Variants in DFFB observed in about 807,000 individuals in gnomAD.
DFFB encodes the protein DNA fragmentation factor subunit beta.
In DFFB, 29 loss-of-function variants were observed where a neutral mutation model predicts 32.7. The ratio of observed to expected loss-of-function variants is 0.89; its 90% CI spans 0.66 to 1.21. The LOEUF is 1.21. Ranked by LOEUF, DFFB falls within the 50% of genes most tolerant of loss-of-function variation. The pLI is 0.00. For synonymous variants in DFFB, 170 were observed against 177.1 expected, an observed-to-expected ratio of 0.96 and a Z score of 0.32; for missense variants, 398 against 440.6, an observed-to-expected ratio of 0.90 and a Z score of 0.87.
In DFFB at chr1:3,867,865, GTATGAC is replaced by G. The variant is rs2124740836; in HGVS notation, c.431-108_431-103del. The G allele has an allele frequency of 3.2e-6, 3 of 927,684 alleles. No individual in the cohort carries two copies. The South Asian group carries it at 4.1e-5, about 13-fold the overall frequency. 57.5% of individuals were successfully genotyped at this position (927,684 alleles called of 1,614,324 possible). ...AAGACCCTGTCAAAAAGATGAAGCAGTATGACCCTCATATTCTGCCCTGCTTGGCAC... is the reference window on the plus strand; with the variant it reads ...AAGACCCTGTCAAAAAGATGAAGCAGCCTCATATTCTGCCCTGCTTGGCAC... On this transcript the variant is annotated intron_variant, in intron 3 of 6. Coordinates refer to ENST00000378209, the MANE Select transcript of DFFB (RefSeq NM_004402.4).
chr1:3,883,755 C>T lies in DFFB; in HGVS notation c.*14C>T, dbSNP rs767400154. ...AAACGCCAGTGACACGTACACACCA[C>T]GTCCTGGTCTTTGTTTGAGGCCTGA... is the stretch of plus-strand genomic sequence containing the variant. On this transcript the variant is annotated 3_prime_UTR_variant, in exon 7 of 7. Transcript: ENST00000378209. 56 of 1,605,794 alleles carry T rather than the reference C, an allele frequency of 3.5e-5. No homozygotes were observed. In the South Asian group the frequency reaches 4.2e-4, roughly 12 times the overall value.
intron 4 of DFFB, among the ~76,000 whole-genome samples, chr1:3,868,621 C>T (rs28412717): frequency 1.3e-5 from 2 of 151,964 alleles, no homozygotes; most frequent in Non-Finnish European, 1.5e-5. Context: ...CAGACCACAC[C>T]ACACCAGGCC....
At chr1:3,876,015 T>G (rs1645215110) in intron 6 of DFFB, among the ~76,000 whole-genome samples, 1 of 152,160 alleles carries the variant, frequency 6.6e-6, no homozygotes, top group Non-Finnish European at 1.5e-5. Flanking sequence ...TGACCTCAGG[T>G]GATCTGCCCA....
chr1:3,860,556 G>A (rs748008017), intron 2 of DFFB: 20 of 340,176 alleles, frequency 5.9e-5, no homozygotes, highest in Admixed American at 1.5e-4. Context: ...AATAATGACA[G>A]ATTCCCAGGA....
In DFFB at chr1:3,868,169, C is replaced by T. The variant is rs144776884; in HGVS notation, c.510+116C>T. 2,177 of 943,102 alleles carry T rather than the reference C, an allele frequency of 2.3e-3. 13 individuals are homozygous for T. The highest frequency in any genetic ancestry group is 8.8e-3 in the South Asian group (652 of 74,102). 58.4% of individuals were successfully genotyped at this position (943,102 alleles called of 1,614,324 possible). On this transcript the variant is annotated intron_variant, in intron 4 of 6. Transcript: ENST00000378209. ...TTGGTAGGACCACACTCCGTGCTTGCGTGGATCTGGTGGGGCTGCTCTGGT... is the reference window on the plus strand; with the variant it reads ...TTGGTAGGACCACACTCCGTGCTTGTGTGGATCTGGTGGGGCTGCTCTGGT...
chr1:3,869,540 C>G, intron 4 of DFFB, 65 bp from the exon 5 acceptor site: 1 of 1,509,378 alleles, frequency 6.6e-7, no homozygotes, highest in Non-Finnish European at 9.1e-7. Context: ...TGAGATGGAT[C>G]GAGAGCCAGT....
At chr1:3,883,254 C>T (rs539348481) in intron 6 of DFFB, among the ~76,000 whole-genome samples, 43 of 152,346 alleles carry the variant, frequency 2.8e-4, no homozygotes, top group African/African-American at 1.0e-3. Flanking sequence ...ATCCACCCGC[C>T]TCGGCCTCCC....
At chr1:3,868,674 ACCACG>A (rs796859948) in intron 4 of DFFB, among the ~76,000 whole-genome samples, 116 of 7,474 alleles carry the variant, frequency 0.016, 1 homozygote, top group Middle Eastern at 0.083. Context: ...ACCACACCAC[ACCACG>A]CCACACCACA....
At chr1:3,882,554 G>T (rs889577762) in intron 6 of DFFB, among the ~76,000 whole-genome samples, 1 of 152,070 alleles carries the variant, frequency 6.6e-6, no homozygotes, top group Non-Finnish European at 1.5e-5. Context: ...TAGTAGAGAT[G>T]AGGTTTCGCC....
chr1:3,868,733 T>TACCACACCACACCAG (rs1557716470), intron 4 of DFFB, among the ~76,000 whole-genome samples: 3 of 4,032 alleles, frequency 7.4e-4, no homozygotes, highest in Admixed American at 2.9e-3. Flanking sequence ...TTCCACACCA[T>TACCACACCACACCAG]GCCACACCGC....
At chr1:3,868,680 C>G (rs1645044089) in intron 4 of DFFB, among the ~76,000 whole-genome samples, 1 of 14,744 alleles carries the variant, frequency 6.8e-5, no homozygotes, top group Non-Finnish European at 1.2e-4. Flanking sequence ...CCACACCACG[C>G]CACACCACAC....
intron 6 of DFFB, 23 bp from the exon 7 acceptor site, chr1:3,883,484 A>G: frequency 6.2e-7 from 1 of 1,607,912 alleles, no homozygotes; most frequent in Non-Finnish European, 8.5e-7. Context: ...ACAGAAAATG[A>G]TGTCTCTAAC....
chr1:3,869,877 G>C, intron 5 of DFFB, 102 bp downstream of exon 5: 1 of 1,291,068 alleles, frequency 7.7e-7, no homozygotes, highest in Non-Finnish European at 1.1e-6. Flanking sequence ...GCCCTGCCTG[G>C]GCAAAGCCTT....
In DFFB at chr1:3,865,621, C is replaced by CGCCCTTGT; in HGVS notation, c.242-188_242-181dup. 1.2e-6 allele frequency: 1 copy of CGCCCTTGT among 806,988 alleles called. No homozygotes were observed. The highest frequency in any genetic ancestry group is 2.2e-4 in the Middle Eastern group (1 of 4,546). 50.0% of individuals were successfully genotyped at this position (806,988 alleles called of 1,614,324 possible). A position where few individuals can be genotyped will look rare whatever the true frequency, so the allele number is the denominator to read the frequency against. On this transcript the variant is annotated intron_variant, in intron 2 of 6. Transcript: ENST00000378209. This position sits in a 1 kb window ranked among gnomAD's most constrained non-coding sequence, Gnocchi z 4.7. ...GCCCCTCCCTCCTCTGTCCTCATGC[C>CGCCCTTGT]GCCCTTGTGCGTGGTCCCCAGCTGT...
intron 4 of DFFB, among the ~76,000 whole-genome samples, chr1:3,868,694 GCCACACCACACCAGGCCACA>G: frequency 1.2e-5 from 1 of 82,132 alleles, no homozygotes; most frequent in African/African-American, 5.0e-5. Context: ...ACCACACCAG[GCCACACCACACCAGGCCACA>G]CCACGTCATT....
intron 2 of DFFB, 113 bp downstream of exon 2, chr1:3,858,957 T>C: frequency 6.8e-7 from 1 of 1,461,956 alleles, no homozygotes; most frequent in Non-Finnish European, 9.1e-7. Context: ...CTGTGAACTC[T>C]CGGGTCTCAA....
rs1019547648 is a variant in DFFB at position 3,865,669 on chromosome 1, A to G, written c.242-143A>G. 1 of 1,311,334 alleles carries G rather than the reference A, an allele frequency of 7.6e-7. No individual in the cohort carries two copies. The highest frequency in any genetic ancestry group is 1.1e-6 in the Non-Finnish European group (1 of 908,854). 81.2% of individuals were successfully genotyped at this position (1,311,334 alleles called of 1,614,324 possible). On this transcript the variant is annotated intron_variant, in intron 2 of 6. Coordinates refer to ENST00000378209, the MANE Select transcript of DFFB (RefSeq NM_004402.4). This position sits in a 1 kb window ranked among gnomAD's most constrained non-coding sequence, Gnocchi z 4.7. ...TGTTGGTGTCAGGGCAAGGACAAAG[A>G]CCCGGGACACCTCAAGTCTGAGTCC...
At chr1:3,862,872 G>C (rs990627641) in intron 2 of DFFB, among the ~76,000 whole-genome samples, 57 of 152,152 alleles carry the variant, frequency 3.7e-4, no homozygotes, top group Non-Finnish European at 6.3e-4. Flanking sequence ...ACTCTGGCCC[G>C]GGCACGGTGG....
rs779084705 is a variant in DFFB at position 3,867,999 on chromosome 1, G to C, written c.456G>C (p.Lys152Asn). 17 of 1,614,070 alleles carry C rather than the reference G, an allele frequency of 1.1e-5. No homozygotes were observed. The South Asian group carries it at 1.4e-4, about 14-fold the overall frequency. Residue 152 changes from lysine to asparagine, a missense_variant, in exon 4 of 7, where the codon AAG becomes AAC. Lys to Asn is a moderately conservative substitution (Grantham distance 94). Coordinates refer to ENST00000378209, the MANE Select transcript of DFFB (RefSeq NM_004402.4). ...FEGLESRFQS[K>N]SGYLRYSCES... Reference sequence around the variant, plus strand: ...GCTTGGAGTCCCGATTTCAGAGCAAGTCTGGCTATCTGAGATACAGCTGTG... The same window carrying C: ...GCTTGGAGTCCCGATTTCAGAGCAACTCTGGCTATCTGAGATACAGCTGTG...
Sources: allele counts gnomAD v4.1 joint callset (sites outside exome capture counted in the v4.1 genomes callset), GRCh38; gene constraint gnomAD v4.1.1; non-coding constraint Gnocchi (gnomAD v3.1); transcripts MANE v1.5; gene names NCBI Gene and HGNC (gene_info 2026-07-23, HGNC 2026-07-21).